NXPH1: variants seen among roughly 807,000 people sequenced by gnomAD.
NXPH1 encodes the protein neurexophilin-1.
Under a neutral mutation model 23.7 loss-of-function variants are expected in NXPH1, and 5 were observed. That is an observed-to-expected ratio of 0.21 (90% CI 0.11 to 0.44). The LOEUF (loss-of-function observed/expected upper bound fraction) is 0.44, where lower values mean the gene tolerates loss of function less well. Ranked by LOEUF, NXPH1 falls within the 20% of genes least tolerant of loss-of-function variation. The probability of loss-of-function intolerance (pLI) is 0.99; values close to 1 mark genes in which losing one functional copy is unlikely to be tolerated. For missense variants in NXPH1, 324 were observed against 321.6 expected, an observed-to-expected ratio of 1.01 and a Z score of -0.06; for synonymous variants, 144 against 122.2, an observed-to-expected ratio of 1.18 and a Z score of -1.18.
At chr7:8,621,399 G>A (rs1477964100) in intron 2 of NXPH1, among the ~76,000 whole-genome samples, 3 of 152,084 alleles carry the variant, frequency 2.0e-5, no homozygotes, top group African/African-American at 4.8e-5. Context: ...AGGATAGCTT[G>A]GAAATTTCCA....
rs1819498995 is a variant in NXPH1, at chr7:8,606,627, C to CA, written c.55-144378dup. Among the ~76,000 whole-genome samples, 4 of 76,070 alleles carry CA rather than the reference C, an allele frequency of 5.3e-5. No homozygotes were observed. The South Asian group carries it at 1.1e-3, about 21-fold the overall frequency. 49.9% of individuals were successfully genotyped at this position (76,070 alleles called of 152,430 possible). A position where few individuals can be genotyped will look rare whatever the true frequency, so the allele number is the denominator to read the frequency against. On this transcript the variant is annotated intron_variant, in intron 2 of 2. Coordinates refer to ENST00000405863, the MANE Select transcript of NXPH1 (RefSeq NM_152745.3). ...TTTTTGACCCTCCTTTTGTACTGGG[C>CA]AAAGATACAGGACTGCTGCCCTCTC...
chr7:8,665,775 A>G (rs1820750653), intron 2 of NXPH1, among the ~76,000 whole-genome samples: 1 of 76,666 alleles, frequency 1.3e-5, no homozygotes, highest in African/African-American at 4.1e-5. Context: ...GGTAGCTATT[A>G]TAAAAGGGAT....
intron 2 of NXPH1, among the ~76,000 whole-genome samples, chr7:8,730,627 T>A (rs1211786495): frequency 6.6e-6 from 1 of 152,218 alleles, no homozygotes; most frequent in Non-Finnish European, 1.5e-5. Flanking sequence ...TATGAAATTC[T>A]GGGTTGACAA....
chr7:8,551,815 T>A (rs1265227697), intron 2 of NXPH1, among the ~76,000 whole-genome samples: 1 of 151,408 alleles, frequency 6.6e-6, no homozygotes, highest in African/African-American at 2.4e-5. Flanking sequence ...ACAAATATTG[T>A]CAAATATTTT....
At chr7:8,611,768 T>C (rs955983502) in intron 2 of NXPH1, among the ~76,000 whole-genome samples, 5 of 152,102 alleles carry the variant, frequency 3.3e-5, no homozygotes, top group Non-Finnish European at 2.9e-5. Flanking sequence ...TAGGAGACTT[T>C]GGTTAGGTAG....
chr7:8,628,287 G>A lies in NXPH1; in HGVS notation c.55-122721G>A, dbSNP rs557063420. On this transcript the variant is annotated intron_variant, in intron 2 of 2. Transcript: ENST00000405863. Reference sequence around the variant, plus strand: ...ACAGAGTTTGATGTTATCTATCTTCGAAGTTTCAGTGAAATTCTACACAGT... The same window carrying A: ...ACAGAGTTTGATGTTATCTATCTTCAAAGTTTCAGTGAAATTCTACACAGT... Among the ~76,000 whole-genome samples the A allele has an allele frequency of 6.0e-5, 9 of 151,104 alleles. No individual in the cohort carries two copies. In the South Asian group the frequency reaches 1.5e-3, roughly 24 times the overall value.
chr7:8,676,621 T>C (rs956901482), intron 2 of NXPH1, among the ~76,000 whole-genome samples: 7 of 152,188 alleles, frequency 4.6e-5, no homozygotes, highest in African/African-American at 1.7e-4. Flanking sequence ...GGCTGGTGAC[T>C]TAGGATTCCA....
At chr7:8,546,824 T>A (rs190968104) in intron 2 of NXPH1, among the ~76,000 whole-genome samples, 1 of 151,494 alleles carries the variant, frequency 6.6e-6, no homozygotes, top group East Asian at 2.0e-4. Flanking sequence ...GTATTTTTGT[T>A]TCAACAACAA....
intron 2 of NXPH1, among the ~76,000 whole-genome samples, chr7:8,650,564 A>C (rs1820474890): frequency 6.6e-6 from 1 of 152,330 alleles, no homozygotes; most frequent in South Asian, 2.1e-4. Context: ...AAATGTTAGA[A>C]TATGCTGGTA....
At chr7:8,436,937 T>C (rs1003932975) in intron 2 of NXPH1, among the ~76,000 whole-genome samples, 1 of 152,140 alleles carries the variant, frequency 6.6e-6, no homozygotes, top group Non-Finnish European at 1.5e-5. Flanking sequence ...AAGCTGCGAG[T>C]TGTGTGAATT....
chr7:8,735,716 C>T (rs1156976089), intron 2 of NXPH1, among the ~76,000 whole-genome samples: 2 of 152,114 alleles, frequency 1.3e-5, no homozygotes, highest in Non-Finnish European at 2.9e-5. Context: ...GGAATGGTAC[C>T]AGCTTCTCTT....
chr7:8,583,759 A>T (rs1228874502), intron 2 of NXPH1, among the ~76,000 whole-genome samples: 1 of 152,190 alleles, frequency 6.6e-6, no homozygotes, highest in Non-Finnish European at 1.5e-5. Flanking sequence ...AGAACTGACA[A>T]AGGTGAGAGG....
In NXPH1 at chr7:8,635,573, A is replaced by G. The variant is rs193128800; in HGVS notation, c.55-115435A>G. ...GAAAAAAGAAAATAAAGATGCATCA[A>G]GATAGATATGTTAGATAGAGAACCA... On this transcript the variant is annotated intron_variant, in intron 2 of 2. Transcript: ENST00000405863. Among the ~76,000 whole-genome samples the G allele has an allele frequency of 1.4e-4, 22 of 152,350 alleles. No individual in the cohort carries two copies. The East Asian group carries it at 3.3e-3, about 23-fold the overall frequency.
chr7:8,566,858 T>C (rs1309992508), intron 2 of NXPH1, among the ~76,000 whole-genome samples: 5 of 151,516 alleles, frequency 3.3e-5, no homozygotes, highest in Admixed American at 1.3e-4. Flanking sequence ...CATATTTTTT[T>C]TCTCTCTCTC....
At chr7:8,492,771 A>G (rs539449998) in intron 2 of NXPH1, among the ~76,000 whole-genome samples, 1 of 152,078 alleles carries the variant, frequency 6.6e-6, no homozygotes, top group African/African-American at 2.4e-5. Context: ...AGCACTTAGA[A>G]CTAATGCCAT....
At chr7:8,511,687 G>A (rs1003717879) in intron 2 of NXPH1, among the ~76,000 whole-genome samples, 3 of 152,092 alleles carry the variant, frequency 2.0e-5, no homozygotes, top group African/African-American at 7.2e-5. Context: ...GTCACCATGC[G>A]TTACTTTTCT....
chr7:8,494,455 C>T (rs1817302243), intron 2 of NXPH1, among the ~76,000 whole-genome samples: 1 of 151,910 alleles, frequency 6.6e-6, no homozygotes, highest in Admixed American at 6.6e-5. Flanking sequence ...ATCAGTAAGG[C>T]TCAGTTTCTC....
Position 8,710,808 on chromosome 7 carries a change from G to A in NXPH1, c.55-40200G>A, listed in dbSNP as rs531254413. ...CTCCCCAGTAGCTGGGACTACAGGCGCCCGCCACCGCGCCCGGCTAATTTT... is the reference window on the plus strand; with the variant it reads ...CTCCCCAGTAGCTGGGACTACAGGCACCCGCCACCGCGCCCGGCTAATTTT... On this transcript the variant is annotated intron_variant, in intron 2 of 2. Coordinates refer to ENST00000405863, the MANE Select transcript of NXPH1 (RefSeq NM_152745.3). Among the ~76,000 whole-genome samples, 226 of 138,230 alleles carry A rather than the reference G, an allele frequency of 1.6e-3. 32 individuals are homozygous for A. The East Asian group carries it at 0.033, about 20-fold the overall frequency. 90.7% of individuals were successfully genotyped at this position (138,230 alleles called of 152,430 possible).
In NXPH1 at chr7:8,674,187, A is replaced by T. The variant is rs545578713; in HGVS notation, c.55-76821A>T. On this transcript the variant is annotated intron_variant, in intron 2 of 2. Coordinates refer to ENST00000405863, the MANE Select transcript of NXPH1 (RefSeq NM_152745.3). ...GACACACACACACACACACACACAC[A>T]CACACACACACACACACCTATGCAA... Among the ~76,000 whole-genome samples, 843 of 145,768 alleles carry T rather than the reference A, an allele frequency of 5.8e-3. 5 individuals are homozygous for T. The highest frequency in any genetic ancestry group is 0.02 in the African/African-American group (807 of 40,656).
Sources: gnomAD v4.1 joint callset for allele counts (sites outside exome capture counted in the v4.1 genomes callset) on GRCh38, gnomAD v4.1.1 for gene constraint, MANE v1.5 for transcripts, NCBI Gene and HGNC (gene_info 2026-07-23, HGNC 2026-07-21) for gene names.